CDC42BPA: variants seen among roughly 807,000 people sequenced by gnomAD.
CDC42BPA encodes the protein serine/threonine-protein kinase MRCK alpha.
Under a neutral mutation model 223.5 loss-of-function variants are expected in CDC42BPA, and 80 were observed. The ratio of observed to expected loss-of-function variants is 0.36; its 90% CI spans 0.30 to 0.43. The LOEUF is 0.43. Ranked by LOEUF, CDC42BPA falls within the 20% of genes least tolerant of loss-of-function variation. The pLI is 1.00. For missense variants in CDC42BPA, 1,743 were observed against 2,099.9 expected, an observed-to-expected ratio of 0.83 and a Z score of 3.32; for synonymous variants, 694 against 718.6, an observed-to-expected ratio of 0.97 and a Z score of 0.55.
intron 2 of CDC42BPA, among the ~76,000 whole-genome samples, chr1:227,242,012 A>C (rs1321786683): frequency 6.6e-6 from 1 of 152,174 alleles, no homozygotes; most frequent in Non-Finnish European, 1.5e-5. Context: ...AAATAGACAA[A>C]GGCCAATCTG....
At chr1:227,277,934 A>G (rs1214105134) in intron 1 of CDC42BPA, among the ~76,000 whole-genome samples, 1 of 152,006 alleles carries the variant, frequency 6.6e-6, no homozygotes, top group African/African-American at 2.4e-5. Context: ...TATTTTTAGT[A>G]GAGACGGGGT....
rs776573133 is a variant in CDC42BPA, at chr1:226,994,917, T to C, written c.5039A>G (p.Lys1680Arg). 6.2e-7 allele frequency: 1 copy of C among 1,614,020 alleles called. No individual in the cohort carries two copies. Among genetic ancestry groups the C allele is most frequent in the Non-Finnish European group, 8.5e-7 (1 of 1,180,000 alleles). The change falls in exon 36 of 37, where the codon AAG becomes AGG. Residue 1680 changes from lysine to arginine, a missense_variant. Lys to Arg is a conservative substitution (Grantham distance 26). This residue lies in a region of CDC42BPA where 200 missense variants were observed against 192.8 expected (regional missense o/e 1.04). Transcript: ENST00000366766. The surrounding 1 kb of genome is among the most constrained non-coding windows in gnomAD (Gnocchi z 4.0). ...REFSGGSYSA[K>R]RQPMPSPSEG... Reference sequence around the variant, plus strand: ...TGACGGGGAGGGCATGGGCTGCCGCTTGGCACTGTAGCTTCCTCCAGAGAA... The same window carrying C: ...TGACGGGGAGGGCATGGGCTGCCGCCTGGCACTGTAGCTTCCTCCAGAGAA...
rs143521909 is a variant in CDC42BPA, at chr1:227,114,106, A to T, written c.1648-1193T>A. On this transcript the variant is annotated intron_variant, in intron 12 of 36. Coordinates refer to ENST00000366766, the MANE Select transcript of CDC42BPA (RefSeq NM_001394014.1). ...CACCACAGGAAGCTCTACATTTATG[A>T]ATCAAGAAAAAATTTAGAAAACCCA... is the stretch of plus-strand genomic sequence containing the variant. Among the ~76,000 whole-genome samples, 234 of 152,116 alleles carry T rather than the reference A, an allele frequency of 1.5e-3. 2 individuals carry two copies. The East Asian group carries it at 0.038, about 24-fold the overall frequency.
chr1:227,109,342 C>T (rs1686494213), intron 14 of CDC42BPA, among the ~76,000 whole-genome samples: 1 of 152,090 alleles, frequency 6.6e-6, no homozygotes, highest in South Asian at 2.1e-4. Flanking sequence ...ACTTAAAATA[C>T]AAACACATTG....
rs1658413207 is a variant in CDC42BPA, at chr1:227,135,854, CCA to C, written c.1390+3720_1390+3721del. ...GGGCGACAGAGCGAGACTCTGTCTC[CCA>C]AAAAAAAAAAAAAAAAAAAAAAAAA... is the stretch of plus-strand genomic sequence containing the variant. On this transcript the variant is annotated intron_variant, in intron 10 of 36. Transcript: ENST00000366766. Among the ~76,000 whole-genome samples the C allele has an allele frequency of 2.6e-3, 266 of 101,636 alleles. 70 individuals carry two copies. The highest frequency in any genetic ancestry group is 4.2e-3 in the East Asian group (15 of 3,564). 66.7% of individuals were successfully genotyped at this position (101,636 alleles called of 152,430 possible). A position where few individuals can be genotyped will look rare whatever the true frequency, so the allele number is the denominator to read the frequency against.
At chr1:227,135,231 ATGGTGCTTT>A (rs1658246281) in intron 10 of CDC42BPA, among the ~76,000 whole-genome samples, 1 of 152,216 alleles carries the variant, frequency 6.6e-6, no homozygotes, top group South Asian at 2.1e-4. Flanking sequence ...CCCTAAGCAT[ATGGTGCTTT>A]TATTCCCATG....
At chr1:227,167,154 A>G (rs1488886559) in intron 5 of CDC42BPA, among the ~76,000 whole-genome samples, 1 of 152,214 alleles carries the variant, frequency 6.6e-6, no homozygotes, top group East Asian at 1.9e-4. Context: ...TGCATTCCAT[A>G]TTTGGTAAAA....
chr1:227,096,098 T>C (rs1397288504), intron 15 of CDC42BPA, among the ~76,000 whole-genome samples: 1 of 152,190 alleles, frequency 6.6e-6, no homozygotes, highest in Non-Finnish European at 1.5e-5. Context: ...CTACATAACA[T>C]TATTGAAGAT....
At chr1:227,142,288 G>GA (rs1659820724) in intron 9 of CDC42BPA, among the ~76,000 whole-genome samples, 1 of 152,154 alleles carries the variant, frequency 6.6e-6, no homozygotes, top group South Asian at 2.1e-4. Context: ...GGGAAATAGG[G>GA]AATATAAGTG....
At chr1:227,301,588 G>C (rs903071019) in intron 1 of CDC42BPA, among the ~76,000 whole-genome samples, 1 of 152,106 alleles carries the variant, frequency 6.6e-6, no homozygotes, top group Non-Finnish European at 1.5e-5. Context: ...TCAATCTCTT[G>C]ACCTCGTGAT....
At chr1:227,266,863 T>C (rs1312725269) in intron 1 of CDC42BPA, among the ~76,000 whole-genome samples, 4 of 152,216 alleles carry the variant, frequency 2.6e-5, no homozygotes, top group East Asian at 1.9e-4. Flanking sequence ...ACCTAAATAG[T>C]CCATTTATTT....
chr1:227,215,852 T>C (rs1021920194), intron 2 of CDC42BPA, among the ~76,000 whole-genome samples: 17 of 152,322 alleles, frequency 1.1e-4, no homozygotes, highest in South Asian at 2.1e-4. Context: ...GAAATATGGA[T>C]AGAAATACCC....
chr1:227,310,028 G>A (rs532715770), intron 1 of CDC42BPA, among the ~76,000 whole-genome samples: 27 of 152,156 alleles, frequency 1.8e-4, no homozygotes, highest in Middle Eastern at 3.4e-3. Context: ...CAATCCACAC[G>A]ATATCCCAAA....
At chr1:227,246,955 C>T (rs1681077992) in intron 2 of CDC42BPA, among the ~76,000 whole-genome samples, 1 of 152,196 alleles carries the variant, frequency 6.6e-6, no homozygotes, top group Non-Finnish European at 1.5e-5. Context: ...AATCCCAGCA[C>T]CATGGGAGGC....
intron 1 of CDC42BPA, among the ~76,000 whole-genome samples, chr1:227,299,744 C>T (rs1263797225): frequency 2.0e-5 from 3 of 152,032 alleles, no homozygotes; most frequent in Admixed American, 1.3e-4. Flanking sequence ...AAATGACCCA[C>T]AGTCTGGAAA....
chr1:227,129,853 G>C (rs1016280924), intron 10 of CDC42BPA, among the ~76,000 whole-genome samples: 3 of 151,868 alleles, frequency 2.0e-5, no homozygotes, highest in African/African-American at 7.3e-5. Context: ...ATGTCAGTCA[G>C]ATGCTATACG....
chr1:227,144,428 A>G (rs1660291442), intron 8 of CDC42BPA, among the ~76,000 whole-genome samples: 1 of 151,990 alleles, frequency 6.6e-6, no homozygotes, highest in African/African-American at 2.4e-5. Flanking sequence ...CATAAAAGTT[A>G]GCCAGGTGTG....
intron 1 of CDC42BPA, among the ~76,000 whole-genome samples, chr1:227,303,623 A>G (rs994777738): frequency 6.6e-6 from 1 of 152,178 alleles, no homozygotes; most frequent in Admixed American, 6.5e-5. Context: ...TCCTAAAGAT[A>G]GCAATTTCTA....
intron 1 of CDC42BPA, among the ~76,000 whole-genome samples, chr1:227,262,385 CTG>C (rs1161363022): frequency 6.6e-6 from 1 of 152,026 alleles, no homozygotes; most frequent in Non-Finnish European, 1.5e-5. Flanking sequence ...AAAAAATACT[CTG>C]AAGCAATAAT....
Sources: allele counts gnomAD v4.1 joint callset (sites outside exome capture counted in the v4.1 genomes callset), GRCh38; gene constraint gnomAD v4.1.1; regional missense constraint gnomAD v4.1.1; non-coding constraint Gnocchi (gnomAD v3.1); transcripts MANE v1.5; gene names NCBI Gene and HGNC (gene_info 2026-07-23, HGNC 2026-07-21).